NKAIN2: variants seen among roughly 807,000 people sequenced by gnomAD.
NKAIN2 encodes sodium/potassium-transporting ATPase subunit beta-1-interacting protein 2.
Under a neutral mutation model 32.6 loss-of-function variants are expected in NKAIN2, and 14 were observed. The ratio of observed to expected loss-of-function variants is 0.43; its 90% CI spans 0.28 to 0.67. NKAIN2 has a LOEUF of 0.67. NKAIN2 is among the 30% of genes least tolerant of loss of function. The probability of loss-of-function intolerance (pLI) is 0.17; values close to 1 mark genes in which losing one functional copy is unlikely to be tolerated. For missense variants in NKAIN2, 198 were observed against 258.3 expected (o/e 0.77, Z 1.60); for synonymous variants, 80 against 87.2 (o/e 0.92, Z 0.46).
At chr6:124,628,471 G>A (rs533061541) in intron 3 of NKAIN2, among the ~76,000 whole-genome samples, 10 of 152,166 alleles carry the variant, frequency 6.6e-5, no homozygotes, top group African/African-American at 2.4e-4. Flanking sequence ...ACTCTTTCAG[G>A]TTCCAAGCAA....
At chr6:124,305,821 C>G (rs1464258010) in intron 2 of NKAIN2, among the ~76,000 whole-genome samples, 1 of 152,170 alleles carries the variant, frequency 6.6e-6, no homozygotes, top group Non-Finnish European at 1.5e-5. Context: ...ATTTTAGCAA[C>G]CTCCTGGCCC....
chr6:124,309,867 CT>C (rs1380458144), intron 2 of NKAIN2, among the ~76,000 whole-genome samples: 2 of 152,090 alleles, frequency 1.3e-5, no homozygotes, highest in Non-Finnish European at 2.9e-5. Context: ...CTTTCTTGCT[CT>C]TTTTTTCTTC....
At chr6:124,743,146 T>C (rs1215499373) in intron 4 of NKAIN2, among the ~76,000 whole-genome samples, 1 of 151,796 alleles carries the variant, frequency 6.6e-6, no homozygotes, top group Non-Finnish European at 1.5e-5. Context: ...TGGGACAAAC[T>C]GTATCTCTGC....
At chr6:124,178,951 G>A (rs1789300674) in intron 1 of NKAIN2, among the ~76,000 whole-genome samples, 2 of 152,170 alleles carry the variant, frequency 1.3e-5, no homozygotes, top group South Asian at 4.1e-4. Context: ...TCCTTAATGA[G>A]AGAATGTGTA....
chr6:124,548,690 T>A (rs946797280), intron 3 of NKAIN2, among the ~76,000 whole-genome samples: 7 of 152,180 alleles, frequency 4.6e-5, no homozygotes, highest in Admixed American at 6.5e-5. Context: ...AGTCAAGGAC[T>A]AAATTTTGAA....
At chr6:124,535,601 T>C (rs1779683019) in intron 3 of NKAIN2, among the ~76,000 whole-genome samples, 1 of 152,334 alleles carries the variant, frequency 6.6e-6, no homozygotes, top group Non-Finnish European at 1.5e-5. Context: ...AAATACTGGA[T>C]TTTTTTGCCA....
At chr6:124,468,583 A>G (rs182028090) in intron 3 of NKAIN2, among the ~76,000 whole-genome samples, 7 of 152,288 alleles carry the variant, frequency 4.6e-5, no homozygotes, top group East Asian at 1.9e-4. Context: ...CTTTATGTGT[A>G]TATGCTCATA....
At chr6:124,124,313 A>G (rs898895847) in intron 1 of NKAIN2, among the ~76,000 whole-genome samples, 18 of 152,020 alleles carry the variant, frequency 1.2e-4, no homozygotes, top group Admixed American at 3.3e-4. Context: ...TCAATAAATC[A>G]CTTATTTTTA....
intron 1 of NKAIN2, among the ~76,000 whole-genome samples, chr6:124,231,105 A>C (rs1792430890): frequency 6.6e-6 from 1 of 152,216 alleles, no homozygotes; most frequent in African/African-American, 2.4e-5. Context: ...CATCAGCATG[A>C]CCTGGATGTG....
At chr6:124,588,821 A>T (rs1257926585) in intron 3 of NKAIN2, among the ~76,000 whole-genome samples, 5 of 152,166 alleles carry the variant, frequency 3.3e-5, no homozygotes, top group African/African-American at 1.2e-4. Context: ...TATCTGAAAT[A>T]ATGTTATTTC....
chr6:124,609,730 T>C (rs1250255037), intron 3 of NKAIN2, among the ~76,000 whole-genome samples: 2 of 152,030 alleles, frequency 1.3e-5, no homozygotes, highest in Non-Finnish European at 2.9e-5. Context: ...AGACTTCACA[T>C]CTACCTGGAA....
chr6:124,093,071 C>T (rs969376467), intron 1 of NKAIN2, among the ~76,000 whole-genome samples: 1 of 152,080 alleles, frequency 6.6e-6, no homozygotes, highest in Non-Finnish European at 1.5e-5. Flanking sequence ...AAATGTTGTA[C>T]ATATCTTAGC....
intron 4 of NKAIN2, among the ~76,000 whole-genome samples, chr6:124,683,784 A>G (rs1252091587): frequency 1.3e-5 from 2 of 152,202 alleles, no homozygotes; most frequent in African/African-American, 4.8e-5. Flanking sequence ...TCTTATTCAC[A>G]GCAAGTAGGA....
At chr6:124,207,865 G>T (rs802231) in intron 1 of NKAIN2, among the ~76,000 whole-genome samples, 87,583 of 151,690 alleles carry the variant, frequency 0.58, 27,805 homozygotes, top group South Asian at 0.71. Flanking sequence ...CTAAATTTGA[G>T]ATGCAGACAA....
intron 3 of NKAIN2, among the ~76,000 whole-genome samples, chr6:124,643,918 C>T (rs559942161): frequency 3.9e-5 from 6 of 152,312 alleles, no homozygotes; most frequent in African/African-American, 1.4e-4. Flanking sequence ...TGCATGTGTG[C>T]TTTGCTCTTC....
At chr6:124,351,716 G>T (rs1213298874) in intron 2 of NKAIN2, among the ~76,000 whole-genome samples, 1 of 140,992 alleles carries the variant, frequency 7.1e-6, no homozygotes, top group Non-Finnish European at 1.5e-5. Context: ...CTGCCTCCTG[G>T]GTTCAAGTGA....
chr6:124,073,723 A>C (rs768325364), intron 1 of NKAIN2, among the ~76,000 whole-genome samples: 4 of 152,142 alleles, frequency 2.6e-5, no homozygotes, highest in Non-Finnish European at 5.9e-5. Context: ...TCTGAACCTC[A>C]TGGCCATAGG....
At chr6:123,907,968 A>C (rs969083043) in intron 1 of NKAIN2, among the ~76,000 whole-genome samples, 1 of 152,132 alleles carries the variant, frequency 6.6e-6, no homozygotes. Flanking sequence ...CTCAGACCAA[A>C]TTTATGCCCT....
At chr6:124,459,493 C>T (rs1039123992) in intron 3 of NKAIN2, among the ~76,000 whole-genome samples, 1 of 151,772 alleles carries the variant, frequency 6.6e-6, no homozygotes, top group Non-Finnish European at 1.5e-5. Context: ...TGAGTGTAAT[C>T]ACAAATGACA....
Sources: allele counts gnomAD v4.1 joint callset (sites outside exome capture counted in the v4.1 genomes callset), GRCh38; gene constraint gnomAD v4.1.1; transcripts MANE v1.5; gene names NCBI Gene and HGNC (gene_info 2026-07-23, HGNC 2026-07-21).